AGBL4: variants seen among roughly 807,000 people sequenced by gnomAD.
The protein encoded by AGBL4 is AGBL carboxypeptidase 4, also known as cytosolic carboxypeptidase 6.
A neutral mutation model predicts 66.4 loss-of-function variants in AGBL4; 58 were observed. That is an observed-to-expected ratio of 0.87 (90% CI 0.71 to 1.09). The LOEUF (loss-of-function observed/expected upper bound fraction) is 1.09. Among genes scored for constraint, AGBL4 ranks in the 50% least tolerant of loss-of-function variants. AGBL4 has a pLI of 0.00. For synonymous variants in AGBL4, 234 were observed against 222.9 expected, an observed-to-expected ratio of 1.05 and a Z score of -0.44; for missense variants, 579 against 631.0, an observed-to-expected ratio of 0.92 and a Z score of 0.88.
In AGBL4 at chr1:49,614,644, A is replaced by G. The variant is rs374587935; in HGVS notation, c.282+82669T>C. On this transcript the variant is annotated intron_variant, in intron 3 of 13. Coordinates refer to ENST00000371839, the MANE Select transcript of AGBL4 (RefSeq NM_032785.4). ...ATAGTATTTTTCCAAAAGCAGTTGTACCAATTTATACTCCCACCCACAGTG... is the reference window on the plus strand; with the variant it reads ...ATAGTATTTTTCCAAAAGCAGTTGTGCCAATTTATACTCCCACCCACAGTG... Among the ~76,000 whole-genome samples, 5 of 152,252 alleles carry G rather than the reference A, an allele frequency of 3.3e-5. No individual in the cohort carries two copies. In the South Asian group the frequency reaches 1.0e-3, roughly 32 times the overall value.
At chr1:49,919,512 C>T (rs1651966752) in intron 1 of AGBL4, among the ~76,000 whole-genome samples, 1 of 152,008 alleles carries the variant, frequency 6.6e-6, no homozygotes, top group African/African-American at 2.4e-5. Context: ...AATAAAATAC[C>T]TAGGAATCCA....
At chr1:49,514,458 T>C (rs1373705943) in intron 3 of AGBL4, among the ~76,000 whole-genome samples, 25 of 151,976 alleles carry the variant, frequency 1.6e-4, no homozygotes, top group Admixed American at 9.2e-4. Flanking sequence ...ATGGCCATAC[T>C]GCCCAAGGTA....
At chr1:48,932,861 A>T (rs1571032983) in intron 5 of AGBL4, among the ~76,000 whole-genome samples, 1 of 152,132 alleles carries the variant, frequency 6.6e-6, no homozygotes, top group African/African-American at 2.4e-5. Context: ...AAAAATAAAC[A>T]ACCAACTAAC....
chr1:49,969,372 A>AGT (rs555067977), intron 1 of AGBL4, among the ~76,000 whole-genome samples: 684 of 151,344 alleles, frequency 4.5e-3, no homozygotes, highest in Middle Eastern at 0.014. Flanking sequence ...TGTCTGTGTG[A>AGT]GTGTGTGTGT....
intron 3 of AGBL4, among the ~76,000 whole-genome samples, chr1:49,491,611 G>C: frequency 6.6e-6 from 1 of 151,890 alleles, no homozygotes; most frequent in East Asian, 1.9e-4. Context: ...CTAGATGGAA[G>C]CCAAAGTTTA....
At chr1:49,865,471 T>C (rs1487902035) in intron 1 of AGBL4, among the ~76,000 whole-genome samples, 2 of 151,276 alleles carry the variant, frequency 1.3e-5, no homozygotes, top group Non-Finnish European at 2.9e-5. Context: ...GCAAATAGAG[T>C]CTGGAGCAGA....
At chr1:48,851,333 A>T (rs1558039774) in intron 6 of AGBL4, among the ~76,000 whole-genome samples, 2 of 152,200 alleles carry the variant, frequency 1.3e-5, no homozygotes, top group African/African-American at 4.8e-5. Context: ...TGAGTAAAAA[A>T]CATAGTCAGG....
At chr1:48,878,149 G>A (rs1195686501) in intron 5 of AGBL4, among the ~76,000 whole-genome samples, 2 of 152,158 alleles carry the variant, frequency 1.3e-5, no homozygotes, top group Non-Finnish European at 2.9e-5. Flanking sequence ...TTGGGTGGAA[G>A]AGTTTGGAGG....
chr1:49,552,389 C>A (rs923858581), intron 3 of AGBL4, among the ~76,000 whole-genome samples: 1 of 152,186 alleles, frequency 6.6e-6, no homozygotes, highest in Non-Finnish European at 1.5e-5. Context: ...TGTTTGCCCC[C>A]CTGCTCCTCT....
chr1:48,667,224 T>C (rs544885010), intron 6 of AGBL4, among the ~76,000 whole-genome samples: 3 of 152,332 alleles, frequency 2.0e-5, no homozygotes, highest in South Asian at 2.1e-4. Flanking sequence ...TGAAATACTA[T>C]AGAAGTGATG....
chr1:49,431,809 G>A (rs1033500897), intron 3 of AGBL4, among the ~76,000 whole-genome samples: 1 of 152,010 alleles, frequency 6.6e-6, no homozygotes, highest in African/African-American at 2.4e-5. Flanking sequence ...GAGAAAATAT[G>A]TAGGATAAAG....
chr1:49,463,990 C>T (rs954395087), intron 3 of AGBL4, among the ~76,000 whole-genome samples: 4 of 151,574 alleles, frequency 2.6e-5, no homozygotes, highest in African/African-American at 9.7e-5. Context: ...CTAATAGGTC[C>T]ACAATAAACA....
intron 11 of AGBL4, among the ~76,000 whole-genome samples, chr1:48,540,800 C>G (rs534658277): frequency 2.0e-4 from 31 of 152,228 alleles, no homozygotes; most frequent in Admixed American, 3.3e-4. Flanking sequence ...TTTCCACCCC[C>G]CTAGAATAGG....
At chr1:48,857,300 T>C (rs1647198645) in intron 6 of AGBL4, among the ~76,000 whole-genome samples, 1 of 152,214 alleles carries the variant, frequency 6.6e-6, no homozygotes, top group South Asian at 2.1e-4. Context: ...CAAATAGTTC[T>C]GTGAAAACTG....
chr1:49,646,643 A>G (rs1301675616), intron 3 of AGBL4, among the ~76,000 whole-genome samples: 3 of 151,976 alleles, frequency 2.0e-5, no homozygotes, highest in Non-Finnish European at 4.4e-5. Context: ...TCCCAATAAT[A>G]TCTCAACAAG....
intron 6 of AGBL4, among the ~76,000 whole-genome samples, chr1:48,799,128 G>A (rs1215770794): frequency 6.6e-6 from 1 of 152,154 alleles, no homozygotes; most frequent in Non-Finnish European, 1.5e-5. Flanking sequence ...TTTTACAATA[G>A]TGATTCTACC....
intron 11 of AGBL4, among the ~76,000 whole-genome samples, chr1:48,568,672 G>A (rs760087623): frequency 2.0e-5 from 3 of 152,164 alleles, no homozygotes; most frequent in Non-Finnish European, 4.4e-5. Flanking sequence ...GACAATTCCA[G>A]CTCCTGAAAA....
At chr1:48,730,710 T>C (rs1177257391) in intron 6 of AGBL4, among the ~76,000 whole-genome samples, 1 of 152,166 alleles carries the variant, frequency 6.6e-6, no homozygotes, top group African/African-American at 2.4e-5. Flanking sequence ...ACTCTAGATA[T>C]TAATCACCTG....
intron 4 of AGBL4, among the ~76,000 whole-genome samples, chr1:49,240,749 C>T (rs961709344): frequency 4.6e-5 from 7 of 151,746 alleles, no homozygotes; most frequent in African/African-American, 9.7e-5. Flanking sequence ...CACCTTAATC[C>T]GTACTTCCAT....
Sources: allele counts gnomAD v4.1 joint callset (sites outside exome capture counted in the v4.1 genomes callset), GRCh38; gene constraint gnomAD v4.1.1; transcripts MANE v1.5; gene names NCBI Gene and HGNC (gene_info 2026-07-23, HGNC 2026-07-21).